SAMD12: variants seen among roughly 807,000 people sequenced by gnomAD.
The protein encoded by SAMD12 is sterile alpha motif domain-containing protein 12.
A neutral mutation model predicts 15.0 loss-of-function variants in SAMD12; 9 were observed. That is an observed-to-expected ratio of 0.60 (90% CI 0.36 to 1.05). The LOEUF is 1.05. Among genes scored for constraint, SAMD12 ranks in the 50% least tolerant of loss-of-function variants. The pLI is 0.01. For synonymous variants in SAMD12, 86 were observed against 90.1 expected, an observed-to-expected ratio of 0.96 and a Z score of 0.25; for missense variants, 230 against 234.2, an observed-to-expected ratio of 0.98 and a Z score of 0.12.
At chr8:118,517,500 A>G (rs1034758093) in intron 2 of SAMD12, among the ~76,000 whole-genome samples, 6 of 152,218 alleles carry the variant, frequency 3.9e-5, no homozygotes, top group African/African-American at 1.4e-4. Flanking sequence ...TAAAACAACA[A>G]TGGAAGGGAA....
chr8:118,486,496 T>C (rs1824290606), intron 2 of SAMD12, among the ~76,000 whole-genome samples: 1 of 151,584 alleles, frequency 6.6e-6, no homozygotes, highest in South Asian at 2.1e-4. Context: ...ATTGCTGGCT[T>C]TGAAGATAGA....
At chr8:118,430,431 C>A (rs949793909) in intron 3 of SAMD12, among the ~76,000 whole-genome samples, 40 of 151,196 alleles carry the variant, frequency 2.6e-4, no homozygotes, top group African/African-American at 9.0e-4. Flanking sequence ...GGCATGATCT[C>A]GGCTCACTGC....
intron 3 of SAMD12, among the ~76,000 whole-genome samples, chr8:118,394,144 G>A (rs1820432451): frequency 6.6e-6 from 1 of 152,164 alleles, no homozygotes; most frequent in Admixed American, 6.5e-5. Context: ...CTTAAAGAAA[G>A]TAACAATATG....
At chr8:118,385,226 T>C (rs1819889409) in intron 3 of SAMD12, among the ~76,000 whole-genome samples, 1 of 152,160 alleles carries the variant, frequency 6.6e-6, no homozygotes, top group African/African-American at 2.4e-5. Context: ...GATTAAAATT[T>C]AAATTGGTGA....
intron 2 of SAMD12, among the ~76,000 whole-genome samples, chr8:118,518,392 T>C (rs1825300581): frequency 6.6e-6 from 1 of 152,186 alleles, no homozygotes; most frequent in Non-Finnish European, 1.5e-5. Context: ...TCACATTAAA[T>C]CTACATCCTG....
intron 3 of SAMD12, among the ~76,000 whole-genome samples, chr8:118,430,635 C>G (rs1390954077): frequency 6.6e-6 from 1 of 152,196 alleles, no homozygotes; most frequent in Non-Finnish European, 1.5e-5. Context: ...GCTGGGATTA[C>G]AGGCATGAGC....
At chr8:118,132,972 G>GTGTGTA in the SAMD12 span, among the ~76,000 whole-genome samples, 1 of 48,252 alleles carries the variant, frequency 2.1e-5, no homozygotes, top group African/African-American at 7.2e-5. Flanking sequence ...GTGTGTGTGT[G>GTGTGTA]TATATATATA....
chr8:118,279,890 G>C (rs1285806309), intron 4 of SAMD12, among the ~76,000 whole-genome samples: 1 of 152,198 alleles, frequency 6.6e-6, no homozygotes, highest in East Asian at 1.9e-4. Context: ...GAGGTAGTTG[G>C]TGAAGTAGGT....
downstream of SAMD12, among the ~76,000 whole-genome samples, chr8:118,374,859 T>C (rs1490477822): frequency 1.3e-5 from 2 of 152,056 alleles, no homozygotes; most frequent in African/African-American, 4.8e-5. Context: ...TATAGACGTT[T>C]CTTATATATT....
chr8:118,590,117 C>A (rs762512067), intron 1 of SAMD12, among the ~76,000 whole-genome samples: 11 of 151,848 alleles, frequency 7.2e-5, no homozygotes, highest in African/African-American at 2.2e-4. Context: ...GCTATGGGCA[C>A]AGAAAAAAAA....
chr8:118,397,022 A>T (rs2130774647), intron 3 of SAMD12, among the ~76,000 whole-genome samples: 1 of 152,330 alleles, frequency 6.6e-6, no homozygotes, highest in Non-Finnish European at 1.5e-5. Flanking sequence ...GGGAAGATTG[A>T]GTGAGCAAGG....
At chr8:118,380,189 T>G (rs1343858718) in intron 3 of SAMD12, among the ~76,000 whole-genome samples, 1 of 152,134 alleles carries the variant, frequency 6.6e-6, no homozygotes, top group Non-Finnish European at 1.5e-5. Flanking sequence ...ATAATAACAT[T>G]TCTGAGAAAT....
intron 3 of SAMD12, among the ~76,000 whole-genome samples, chr8:118,426,129 T>G (rs1468973932): frequency 6.6e-6 from 1 of 152,226 alleles, no homozygotes; most frequent in African/African-American, 2.4e-5. Context: ...TGGCTCATAG[T>G]GGTGTCATTA....
At chr8:118,165,472 T>G in the SAMD12 span, among the ~76,000 whole-genome samples, 1 of 151,580 alleles carries the variant, frequency 6.6e-6, no homozygotes, top group Non-Finnish European at 1.5e-5. Flanking sequence ...GCTAGACTGG[T>G]CTCAAACTCC....
intron 2 of SAMD12, among the ~76,000 whole-genome samples, chr8:118,498,188 G>A (rs374564474): frequency 6.6e-6 from 1 of 152,190 alleles, no homozygotes; most frequent in African/African-American, 2.4e-5. Flanking sequence ...TTTTAAAGAC[G>A]GTGTTTTGCA....
intron 2 of SAMD12, among the ~76,000 whole-genome samples, chr8:118,495,281 A>C (rs1362339625): frequency 3.3e-5 from 5 of 152,170 alleles, no homozygotes; most frequent in Admixed American, 1.3e-4. Context: ...GACATTAAGC[A>C]AGCCACAGCA....
At chr8:118,533,840 G>A (rs1184494622) in intron 2 of SAMD12, among the ~76,000 whole-genome samples, 4 of 151,614 alleles carry the variant, frequency 2.6e-5, no homozygotes, top group Non-Finnish European at 4.4e-5. Context: ...GCGTGTCTCT[G>A]CATGTGAGAT....
rs1812548253 is a variant in SAMD12, at chr8:118,240,903, C to T, written c.434-43171G>A. ...TCCTTGTCCACAAAATGCTGATGAACAGCATTTTGTAATGTAATTAAGATT... is the reference window on the plus strand; with the variant it reads ...TCCTTGTCCACAAAATGCTGATGAATAGCATTTTGTAATGTAATTAAGATT... On this transcript the variant is annotated intron_variant, in intron 4 of 4. Transcript: ENST00000409003. Among the ~76,000 whole-genome samples the T allele has an allele frequency of 2.6e-5, 4 of 152,170 alleles. No homozygotes were observed. In the South Asian group the frequency reaches 8.3e-4, roughly 32 times the overall value.
At chr8:118,273,153 G>C (rs1813405908) in intron 4 of SAMD12, among the ~76,000 whole-genome samples, 1 of 152,178 alleles carries the variant, frequency 6.6e-6, no homozygotes, top group African/African-American at 2.4e-5. Flanking sequence ...GCATGCTGGG[G>C]AGACCTCAGG....
Sources: gnomAD v4.1 joint callset for allele counts (sites outside exome capture counted in the v4.1 genomes callset) on GRCh38, gnomAD v4.1.1 for gene constraint, MANE v1.5 for transcripts, NCBI Gene and HGNC (gene_info 2026-07-23, HGNC 2026-07-21) for gene names.